The following CAMTA1 variants were observed in gnomAD, a reference collection of about 807,000 sequenced individuals.
CAMTA1 encodes the protein calmodulin binding transcription activator 1.
In CAMTA1, 27 loss-of-function variants were observed where a neutral mutation model predicts 170.9. The observed-to-expected ratio is 0.16, with a 90% CI of 0.12 to 0.22. The LOEUF (loss-of-function observed/expected upper bound fraction) is 0.22. Among genes scored for constraint, CAMTA1 ranks in the 10% least tolerant of loss-of-function variants. The pLI, the probability that CAMTA1 is intolerant of heterozygous loss-of-function variation, is 1.00. For missense variants in CAMTA1, 1,619 were observed against 2,217.2 expected, an observed-to-expected ratio of 0.73 and a Z score of 5.42; for synonymous variants, 833 against 891.5, an observed-to-expected ratio of 0.93 and a Z score of 1.17.
intron 6 of CAMTA1, among the ~76,000 whole-genome samples, chr1:7,559,537 C>T (rs956783163): frequency 2.6e-5 from 4 of 152,224 alleles, no homozygotes; most frequent in Non-Finnish European, 5.9e-5. Flanking sequence ...TGCCTGCCGA[C>T]TTGGTGTTTT....
rs534598511 is a variant in CAMTA1, at chr1:7,673,366, C to A, written c.2779+2329C>A. Among the ~76,000 whole-genome samples the A allele has an allele frequency of 6.6e-6, 1 of 152,366 alleles. No individual in the cohort carries two copies. Among genetic ancestry groups the A allele is most frequent in the East Asian group, 1.9e-4 (1 of 5,178 alleles). On this transcript the variant is annotated intron_variant, in intron 10 of 22. Transcript: ENST00000303635. The surrounding 1 kb of genome is among the most constrained non-coding windows in gnomAD (Gnocchi z 4.6). ...AAACTGCCTGCCAGCAGGGCGAGAGCAGTGAGTGAGAGGAGGTGTGTGAAG... is the reference window on the plus strand; with the variant it reads ...AAACTGCCTGCCAGCAGGGCGAGAGAAGTGAGTGAGAGGAGGTGTGTGAAG...
intron 6 of CAMTA1, among the ~76,000 whole-genome samples, chr1:7,613,183 T>A (rs778957107): frequency 2.6e-5 from 4 of 152,108 alleles, no homozygotes; most frequent in Non-Finnish European, 5.9e-5. Flanking sequence ...CGGGATGGGA[T>A]GTAGATGAGT....
intron 3 of CAMTA1, among the ~76,000 whole-genome samples, chr1:7,088,360 G>A (rs557897390): frequency 1.4e-4 from 22 of 152,172 alleles, no homozygotes; most frequent in East Asian, 9.7e-4. Context: ...TAAACATGAC[G>A]TGACCCCTGC....
intron 5 of CAMTA1, among the ~76,000 whole-genome samples, chr1:7,272,712 A>AAAAAAAAAAAAAAAAAAAAAG (rs1670017608): frequency 2.3e-4 from 25 of 109,868 alleles, no homozygotes; most frequent in Non-Finnish European, 4.1e-4. Context: ...AAAAAAAAAA[A>AAAAAAAAAAAAAAAAAAAAAG]AAAAGAAAAG....
chr1:7,611,568 G>C (rs1248350865), intron 6 of CAMTA1, among the ~76,000 whole-genome samples: 2 of 152,232 alleles, frequency 1.3e-5, no homozygotes, highest in East Asian at 3.9e-4. Flanking sequence ...CAGGAGCCAA[G>C]TGGTGCCTGA....
chr1:7,650,004 C>T (rs376284359), intron 7 of CAMTA1, among the ~76,000 whole-genome samples: 107 of 152,318 alleles, frequency 7.0e-4, no homozygotes, highest in African/African-American at 2.4e-3. Context: ...CTCTGTGGAC[C>T]GAGCCTGGCT....
intron 3 of CAMTA1, among the ~76,000 whole-genome samples, chr1:6,882,016 A>G (rs1398595657): frequency 6.6e-6 from 1 of 152,212 alleles, no homozygotes; most frequent in Non-Finnish European, 1.5e-5. Flanking sequence ...AATGTAGTGC[A>G]GAGAATCTTC....
chr1:7,636,760 A>G (rs1365065143), intron 6 of CAMTA1, among the ~76,000 whole-genome samples: 1 of 151,358 alleles, frequency 6.6e-6, no homozygotes, highest in East Asian at 1.9e-4. Flanking sequence ...CAGAAAACTG[A>G]AGCCAGATGT....
intron 5 of CAMTA1, among the ~76,000 whole-genome samples, chr1:7,279,273 A>T (rs1452472754): frequency 6.6e-6 from 1 of 152,210 alleles, no homozygotes; most frequent in Non-Finnish European, 1.5e-5. Flanking sequence ...TGCCAGGCAC[A>T]TCCACTGGGG....
intron 3 of CAMTA1, among the ~76,000 whole-genome samples, chr1:6,982,729 G>A (rs1694650660): frequency 6.6e-6 from 1 of 152,018 alleles, no homozygotes; most frequent in Non-Finnish European, 1.5e-5. Context: ...CCCCCTCCTG[G>A]CTGCCTCCCC....
intron 11 of CAMTA1, among the ~76,000 whole-genome samples, chr1:7,689,736 G>A (rs903456120): frequency 3.3e-5 from 5 of 152,146 alleles, no homozygotes; most frequent in African/African-American, 1.2e-4. Flanking sequence ...CCAAGCCATC[G>A]CTGAATCGGG....
rs757969946 is a variant in CAMTA1, at chr1:7,685,809, A to G, written c.2914+8076A>G. Among the ~76,000 whole-genome samples, 4 of 152,140 alleles carry G rather than the reference A, an allele frequency of 2.6e-5. No homozygotes were observed. The highest frequency in any genetic ancestry group is 5.9e-5 in the Non-Finnish European group (4 of 68,024). On this transcript the variant is annotated intron_variant, in intron 11 of 22. Transcript: ENST00000303635. The surrounding 1 kb of genome is among the most constrained non-coding windows in gnomAD (Gnocchi z 5.7). Reference sequence around the variant, plus strand: ...AGCTTGACCCACGTTTCTCTTGGGCAAGCCAGTAGGTCCCAGACAGGACAA... The same window carrying G: ...AGCTTGACCCACGTTTCTCTTGGGCGAGCCAGTAGGTCCCAGACAGGACAA...
At chr1:7,645,992 G>A (rs2095800546) in intron 7 of CAMTA1, among the ~76,000 whole-genome samples, 1 of 152,264 alleles carries the variant, frequency 6.6e-6, no homozygotes, top group Non-Finnish European at 1.5e-5. Flanking sequence ...TGAAAGTGGA[G>A]GTGGAGGCCA....
At chr1:7,429,333 G>A (rs1272997856) in intron 5 of CAMTA1, among the ~76,000 whole-genome samples, 1 of 152,226 alleles carries the variant, frequency 6.6e-6, no homozygotes, top group Non-Finnish European at 1.5e-5. Context: ...CTATTCGCAT[G>A]GTGATGATGG....
chr1:7,274,413 G>A (rs144007449), intron 5 of CAMTA1, among the ~76,000 whole-genome samples: 9 of 152,186 alleles, frequency 5.9e-5, no homozygotes, highest in East Asian at 1.9e-4. Flanking sequence ...AAACATGACC[G>A]TCCTGTCTAT....
chr1:7,452,981 G>A (rs1477668512), intron 5 of CAMTA1, among the ~76,000 whole-genome samples: 1 of 151,284 alleles, frequency 6.6e-6, no homozygotes, highest in Non-Finnish European at 1.5e-5. Context: ...TCGGCTTCCA[G>A]TTGACTAACT....
At chr1:7,444,066 C>T (rs541725705) in intron 5 of CAMTA1, among the ~76,000 whole-genome samples, 2 of 152,324 alleles carry the variant, frequency 1.3e-5, no homozygotes, top group African/African-American at 4.8e-5. Flanking sequence ...CAGATTCCCT[C>T]GCTCAGAGGA....
intron 16 of CAMTA1, among the ~76,000 whole-genome samples, chr1:7,741,642 C>A (rs893196232): frequency 2.0e-5 from 3 of 152,018 alleles, no homozygotes; most frequent in Non-Finnish European, 4.4e-5. Context: ...TGCCTGTATT[C>A]TTAGCATTTT....
chr1:6,873,708 A>G (rs1238078689), intron 3 of CAMTA1, among the ~76,000 whole-genome samples: 1 of 152,256 alleles, frequency 6.6e-6, no homozygotes, highest in Non-Finnish European at 1.5e-5. Context: ...TGCTTAATAC[A>G]TTTTAAGATA....
Sources: allele counts gnomAD v4.1 joint callset (sites outside exome capture counted in the v4.1 genomes callset), GRCh38; gene constraint gnomAD v4.1.1; non-coding constraint Gnocchi (gnomAD v3.1); transcripts MANE v1.5; gene names NCBI Gene and HGNC (gene_info 2026-07-23, HGNC 2026-07-21).